The following PTPN14 variants were observed in gnomAD, a reference collection of about 807,000 sequenced individuals.
PTPN14 encodes protein tyrosine phosphatase non-receptor type 14.
PTPN14 carries 53 observed loss-of-function variants against 126.8 expected under a neutral mutation model. The observed-to-expected ratio is 0.42, with a 90% CI of 0.34 to 0.53. PTPN14 has a LOEUF of 0.53. PTPN14 is among the 20% of genes least tolerant of loss of function. PTPN14 has a pLI of 0.08. For missense variants in PTPN14, 1,257 were observed against 1,552.9 expected, an observed-to-expected ratio of 0.81 and a Z score of 3.20; for synonymous variants, 630 against 599.3, an observed-to-expected ratio of 1.05 and a Z score of -0.75.
chr1:214,431,372 TAGG>T (rs879367595), intron 3 of PTPN14, among the ~76,000 whole-genome samples: 9,564 of 152,266 alleles, frequency 0.063, 379 homozygotes, highest in South Asian at 0.15. Flanking sequence ...ATGATAGTGT[TAGG>T]TACTACAAAG....
At chr1:214,394,815 G>A in intron 9 of PTPN14, 84 bp downstream of exon 9, 1 of 1,170,896 alleles carries the variant, frequency 8.5e-7, no homozygotes, top group Non-Finnish European at 1.3e-6. Context: ...TCAAGATAGG[G>A]AGAGCAAGGA....
chr1:214,433,093 C>T (rs1459260823), intron 3 of PTPN14, among the ~76,000 whole-genome samples: 1 of 151,930 alleles, frequency 6.6e-6, no homozygotes, highest in East Asian at 1.9e-4. Flanking sequence ...TTAGTAGAGA[C>T]AGGGTTTCCC....
chr1:214,517,680 T>C (rs1347521473), intron 1 of PTPN14, among the ~76,000 whole-genome samples: 1 of 152,110 alleles, frequency 6.6e-6, no homozygotes, highest in Admixed American at 6.6e-5. Flanking sequence ...CTAGTCCCTC[T>C]AGACTATACA....
At chr1:214,401,431 C>T (rs888653151) in intron 7 of PTPN14, among the ~76,000 whole-genome samples, 6 of 152,168 alleles carry the variant, frequency 3.9e-5, no homozygotes, top group Non-Finnish European at 5.9e-5. Flanking sequence ...TCCAAGGTGC[C>T]GGATTGGCTG....
rs140947703 is a variant in PTPN14, at chr1:214,374,603, G to A, written c.2907+1616C>T. Among the ~76,000 whole-genome samples the A allele has an allele frequency of 3.2e-4, 49 of 152,302 alleles. 1 individual carries two copies. In the East Asian group the frequency reaches 8.5e-3, roughly 26 times the overall value. On this transcript the variant is annotated intron_variant, in intron 15 of 18. Coordinates refer to ENST00000366956, the MANE Select transcript of PTPN14 (RefSeq NM_005401.5). The stretch of plus-strand genomic sequence containing the variant: ...AAATAAATCTCTGTTCTGTGTTAAC[G>A]GCTGCTTGGAACCCAGGGGGGAAAA...
chr1:214,525,296 A>C (rs759229157), intron 1 of PTPN14, among the ~76,000 whole-genome samples: 1 of 152,170 alleles, frequency 6.6e-6, no homozygotes, highest in African/African-American at 2.4e-5. Flanking sequence ...CTCTGACGGG[A>C]CACTTTTCTA....
At chr1:214,530,129 G>A (rs924803635) in intron 1 of PTPN14, 18 of 151,950 alleles carry the variant, frequency 1.2e-4, no homozygotes, top group African/African-American at 4.1e-4. Flanking sequence ...CATCAGGTTA[G>A]GCCATAAGCA....
chr1:214,413,641 C>T (rs560162234), intron 4 of PTPN14, among the ~76,000 whole-genome samples: 2 of 152,216 alleles, frequency 1.3e-5, no homozygotes, highest in East Asian at 3.9e-4. Context: ...AACTATATTA[C>T]CATCTTCTTG....
chr1:214,400,587 C>A (rs1003058392), intron 7 of PTPN14, among the ~76,000 whole-genome samples: 1 of 152,172 alleles, frequency 6.6e-6, no homozygotes, highest in Non-Finnish European at 1.5e-5. Context: ...ACAAAACCTC[C>A]AACTTCCAGA....
intron 1 of PTPN14, among the ~76,000 whole-genome samples, chr1:214,467,561 T>C (rs1252674921): frequency 1.5e-5 from 1 of 64,798 alleles, no homozygotes; most frequent in Non-Finnish European, 3.0e-5. Context: ...TTGGAATTTT[T>C]ATGATATACA....
rs759094686 is a variant in PTPN14, at chr1:214,383,451, C to T, written c.2404G>A (p.Ala802Thr). The change falls in exon 13 of 19, where the codon GCC becomes ACC. Residue 802 changes from alanine to threonine, a missense_variant. Coordinates refer to ENST00000366956, the MANE Select transcript of PTPN14 (RefSeq NM_005401.5). The surrounding 1 kb of genome is among the most constrained non-coding windows in gnomAD (Gnocchi z 4.4). Reference sequence around the variant, plus strand: ...TCCGAGATGGATGGGCCGAGAGAGGCCCCGTTGACAGCCGGCGGGTCAGTC... The same window carrying T: ...TCCGAGATGGATGGGCCGAGAGAGGTCCCGTTGACAGCCGGCGGGTCAGTC... ...SRTDPPAVNG[A>T]SLGPSISEPD... 2.5e-6 allele frequency: 4 copies of T among 1,614,260 alleles called. No individual in the cohort carries two copies. The highest frequency in any genetic ancestry group is 8.5e-7 in the Non-Finnish European group (1 of 1,180,052).
intron 1 of PTPN14, among the ~76,000 whole-genome samples, chr1:214,478,840 T>C (rs1660921786): frequency 6.6e-6 from 1 of 152,130 alleles, no homozygotes; most frequent in Admixed American, 6.5e-5. Flanking sequence ...AAGCTCAATC[T>C]TTCACCATTA....
rs1028184578 is a variant in PTPN14 at position 214,349,391 on chromosome 1, G to A, written c.*8531C>T. 3.3e-5 allele frequency: 5 copies of A among 152,182 alleles called. No homozygotes were observed. The highest frequency in any genetic ancestry group is 7.2e-5 in the African/African-American group (3 of 41,446). The allele number at this position is 152,182 out of a possible 1,614,324, so 9.4% of individuals were successfully genotyped here. On this transcript the variant is annotated 3_prime_UTR_variant, in exon 19 of 19. Transcript: ENST00000366956. Reference sequence around the variant, plus strand: ...GACGCAAGAACCTTAAGAACAAACCGGTTTCTAAGTTGGGGACTTGTCTGT... The same window carrying A: ...GACGCAAGAACCTTAAGAACAAACCAGTTTCTAAGTTGGGGACTTGTCTGT...
At chr1:214,470,575 G>A (rs1334554150) in intron 1 of PTPN14, among the ~76,000 whole-genome samples, 1 of 151,992 alleles carries the variant, frequency 6.6e-6, no homozygotes, top group Non-Finnish European at 1.5e-5. Flanking sequence ...TTGAGATCAG[G>A]AGTTCAGGAC....
At chr1:214,490,997 AAAGGAAAGAAAGG>A (rs1396177128) in intron 1 of PTPN14, among the ~76,000 whole-genome samples, 31 of 79,286 alleles carry the variant, frequency 3.9e-4, no homozygotes, top group Non-Finnish European at 6.2e-4. Context: ...GAAGGGAAGG[AAAGGAAAGAAAGG>A]AAGAAAGGAA....
chr1:214,533,426 C>A (rs1312466032), intron 1 of PTPN14: 1 of 415,474 alleles, frequency 2.4e-6, no homozygotes, highest in Non-Finnish European at 4.6e-6. Flanking sequence ...AAGTGAGTGG[C>A]AAAGTGGTGT....
intron 1 of PTPN14, among the ~76,000 whole-genome samples, chr1:214,478,199 G>C (rs1199394804): frequency 1.3e-5 from 2 of 152,188 alleles, no homozygotes; most frequent in Non-Finnish European, 1.5e-5. Flanking sequence ...GTCATTTGTA[G>C]TAGAGGGTGG....
chr1:214,372,925 A>G (rs553925772), intron 15 of PTPN14, 86 bp from the exon 16 acceptor site: 1 of 1,542,608 alleles, frequency 6.5e-7, no homozygotes, highest in South Asian at 1.2e-5. Flanking sequence ...TATCCACCTT[A>G]AAACCTTGGA....
At chr1:214,395,402 T>C (rs1308775859) in intron 8 of PTPN14, among the ~76,000 whole-genome samples, 1 of 152,148 alleles carries the variant, frequency 6.6e-6, no homozygotes, top group African/African-American at 2.4e-5. Flanking sequence ...ATATTCTGTA[T>C]TGCAATATGC....
Sources: allele counts gnomAD v4.1 joint callset (sites outside exome capture counted in the v4.1 genomes callset), GRCh38; gene constraint gnomAD v4.1.1; non-coding constraint Gnocchi (gnomAD v3.1); transcripts MANE v1.5; gene names NCBI Gene and HGNC (gene_info 2026-07-23, HGNC 2026-07-21).